The following PRMT9 variants were observed in gnomAD, a reference collection of about 807,000 sequenced individuals.
PRMT9 encodes protein arginine methyltransferase 9, also known as protein arginine N-methyltransferase 9.
In PRMT9, 59 loss-of-function variants were observed where a neutral mutation model predicts 83.2. The ratio of observed to expected loss-of-function variants is 0.71; its 90% CI spans 0.57 to 0.88. PRMT9 has a LOEUF of 0.88. PRMT9 is among the 40% of genes least tolerant of loss of function. The probability of loss-of-function intolerance (pLI) is 0.00; values close to 1 mark genes in which losing one functional copy is unlikely to be tolerated. For missense variants in PRMT9, 947 were observed against 1,021.9 expected, an observed-to-expected ratio of 0.93 and a Z score of 1.00; for synonymous variants, 333 against 353.2, an observed-to-expected ratio of 0.94 and a Z score of 0.64.
At position 147,673,869 on chromosome 4, in the gene PRMT9, C is replaced by T; in HGVS notation, c.344G>A (p.Gly115Asp). 9 of 1,612,480 alleles carry T rather than the reference C, an allele frequency of 5.6e-6. No homozygotes were observed. Among genetic ancestry groups the T allele is most frequent in the Non-Finnish European group, 7.6e-6 (9 of 1,178,560 alleles). The change falls in exon 3 of 12, where the codon GGC becomes GAC. Residue 115 changes from glycine to aspartate, a missense_variant. Coordinates refer to ENST00000322396, the MANE Select transcript of PRMT9 (RefSeq NM_138364.4). Reference sequence around the variant, plus strand: ...ATACCCAGCTGCTTCATCCCTAAAGCCCATTCTAGAGTAAAAAATGACAAA... The same window carrying T: ...ATACCCAGCTGCTTCATCCCTAAAGTCCATTCTAGAGTAAAAAATGACAAA... ...NSMGEHLFRM[G>D]FRDEAAGYFH...
At chr4:147,668,447 G>A (rs1404579354) in intron 6 of PRMT9, 92 bp downstream of exon 6, 4 of 806,916 alleles carry the variant, frequency 5.0e-6, no homozygotes, top group African/African-American at 1.7e-5. Context: ...TCAGCATTCA[G>A]AACTGTGAGT....
chr4:147,653,173 CA>C (rs1425695354), intron 9 of PRMT9, among the ~76,000 whole-genome samples: 1 of 152,082 alleles, frequency 6.6e-6, no homozygotes, highest in East Asian at 1.9e-4. Context: ...TTCAGCCGGG[CA>C]TGGTGGCTCA....
In PRMT9 at chr4:147,673,757, C is replaced by T. The variant is rs1203860976; in HGVS notation, c.456G>A (p.Trp152Ter). The part of the protein sequence containing the change: ...YRVANWLVER[W>*]HFIMLNDTKR... Reference sequence around the variant, plus strand: ...TGGTGTCATTAAGCATGATAAAGTGCCAGCGTTCCACCAACCAGTTTGCAA... The same window carrying T: ...TGGTGTCATTAAGCATGATAAAGTGTCAGCGTTCCACCAACCAGTTTGCAA... Residue 152 changes from tryptophan to a stop codon, truncating the protein, a stop_gained, in exon 3 of 12, where the codon TGG becomes TGA. Coordinates refer to ENST00000322396, the MANE Select transcript of PRMT9 (RefSeq NM_138364.4). LOFTEE classifies it high-confidence loss of function. The T allele has an allele frequency of 6.2e-7, 1 of 1,613,854 alleles. No homozygotes were observed. The highest frequency in any genetic ancestry group is 8.5e-7 in the Non-Finnish European group (1 of 1,179,802).
In PRMT9 at chr4:147,673,136, A is replaced by G. The variant is rs535904344; in HGVS notation, c.576-10T>C. ...TTTTTTAGCAAACATGCTACAAGGGAAAAAAGTTCTCCATCAAGAAAAAAT... is the reference window on the plus strand; with the variant it reads ...TTTTTTAGCAAACATGCTACAAGGGGAAAAAGTTCTCCATCAAGAAAAAAT... On this transcript the variant is annotated splice_polypyrimidine_tract_variant and intron_variant, in intron 3 of 11. Transcript: ENST00000322396. The G allele has an allele frequency of 3.6e-5, 58 of 1,612,422 alleles. No individual in the cohort carries two copies. Among genetic ancestry groups the G allele is most frequent in the Non-Finnish European group, 4.8e-5 (57 of 1,178,710 alleles).
At chr4:147,659,722 C>T (rs1734817820) in intron 7 of PRMT9, among the ~76,000 whole-genome samples, 1 of 151,738 alleles carries the variant, frequency 6.6e-6, no homozygotes, top group Non-Finnish European at 1.5e-5. Context: ...GGATTAGAGG[C>T]ACCCGCCACC....
chr4:147,683,730 TTTC>T (rs1736657520), intron 1 of PRMT9, 66 bp downstream of exon 1: 217 of 1,357,518 alleles, frequency 1.6e-4, no homozygotes, highest in East Asian at 5.9e-4. Context: ...CTTTTTTTTT[TTTC>T]TGTTTTTTTT....
chr4:147,642,814 A>G lies in PRMT9; in HGVS notation c.2172T>C (p.Asn724=). 3 of 1,613,942 alleles carry G rather than the reference A, an allele frequency of 1.9e-6. No homozygotes were observed. Among genetic ancestry groups the G allele is most frequent in the Non-Finnish European group, 2.5e-6 (3 of 1,179,820 alleles). ...VQGTERTLGL[N]IAPFINQFQV... The stretch of plus-strand genomic sequence containing the variant: ...GAAACTGGTTAATAAAAGGTGCTAT[A>G]TTTAATCCAAGAGTACGTTCTGTTC... Residue 724 remains asparagine, a synonymous_variant, in exon 10 of 12, where the codon AAT becomes AAC. Transcript: ENST00000322396.
chr4:147,646,453 G>A (rs1733732079), intron 9 of PRMT9, among the ~76,000 whole-genome samples: 2 of 152,030 alleles, frequency 1.3e-5, no homozygotes, highest in Non-Finnish European at 2.9e-5. Flanking sequence ...TAATCTATGG[G>A]AGAAAGAGAG....
chr4:147,683,966 A>C lies in PRMT9; in HGVS notation c.22T>G (p.Ser8Ala). ...GCGCCACCCCCGGCGTCTCGGCGGGACCTGGGCCGCGAGTTCGACATGGCA... is the reference window on the plus strand; with the variant it reads ...GCGCCACCCCCGGCGTCTCGGCGGGCCCTGGGCCGCGAGTTCGACATGGCA... MSNSRPR[S>A]RRDAGGGAGA... The change falls in exon 1 of 12, where the codon TCC (serine) becomes GCC (alanine). Residue 8 changes from serine to alanine, a missense_variant. Physicochemically the swap from Ser to Ala is moderately conservative, Grantham distance 99 (BLOSUM62 1). Coordinates refer to ENST00000322396, the MANE Select transcript of PRMT9 (RefSeq NM_138364.4). 1.9e-6 allele frequency: 3 copies of C among 1,612,790 alleles called. No homozygotes were observed. The highest frequency in any genetic ancestry group is 2.5e-6 in the Non-Finnish European group (3 of 1,179,654).
rs1363494625 is a variant in PRMT9, at chr4:147,673,115, T to C, written c.587A>G (p.Lys196Arg). ...ATACACGGAATGTGCTCCAGCTTTT[T>C]TAGCAAACATGCTACAAGGGAAAAA... ...AGTGILSMFA[K>R]KAGAHSVYAC... Residue 196 changes from lysine (K) to arginine (R), a missense_variant, in exon 4 of 12, where the codon AAA (lysine) becomes AGA (arginine). Lys to Arg is a conservative substitution (Grantham distance 26). Coordinates refer to ENST00000322396, the MANE Select transcript of PRMT9 (RefSeq NM_138364.4). The C allele has an allele frequency of 6.2e-7, 1 of 1,613,858 alleles. No homozygotes were observed. The highest frequency in any genetic ancestry group is 1.3e-5 in the African/African-American group (1 of 74,922).
chr4:147,642,703 A>C, intron 10 of PRMT9, 84 bp downstream of exon 10: 1 of 1,165,718 alleles, frequency 8.6e-7, no homozygotes, highest in Non-Finnish European at 1.3e-6. Flanking sequence ...CACTGTGTTT[A>C]GCTAGATTAA....
chr4:147,652,927 T>C (rs1387149433), intron 9 of PRMT9, among the ~76,000 whole-genome samples: 1 of 152,166 alleles, frequency 6.6e-6, no homozygotes, highest in Non-Finnish European at 1.5e-5. Flanking sequence ...GGGAACACTA[T>C]AATGTACCAT....
At chr4:147,665,584 A>C (rs1363120757) in intron 6 of PRMT9, among the ~76,000 whole-genome samples, 1 of 152,144 alleles carries the variant, frequency 6.6e-6, no homozygotes, top group Non-Finnish European at 1.5e-5. Flanking sequence ...GATGCCCCAG[A>C]ATCATATTGA....
chr4:147,677,380 C>T (rs1401015047), intron 2 of PRMT9, among the ~76,000 whole-genome samples: 1 of 150,400 alleles, frequency 6.6e-6, no homozygotes, highest in Non-Finnish European at 1.5e-5. Context: ...CTCACTACTA[C>T]TTTGTTTATA....
chr4:147,658,314 G>A (rs895690111), intron 7 of PRMT9, among the ~76,000 whole-genome samples: 1 of 151,972 alleles, frequency 6.6e-6, no homozygotes, highest in Non-Finnish European at 1.5e-5. Context: ...GGGGTAGAGA[G>A]AGAGAGGGAG....
At chr4:147,667,288 A>C (rs2126621644) in intron 6 of PRMT9, among the ~76,000 whole-genome samples, 1 of 152,350 alleles carries the variant, frequency 6.6e-6, no homozygotes, top group African/African-American at 2.4e-5. Flanking sequence ...AAAGCAGAAA[A>C]GTGGAAGCAA....
chr4:147,657,713 G>T, intron 8 of PRMT9, 79 bp downstream of exon 8: 2 of 1,098,586 alleles, frequency 1.8e-6, no homozygotes, highest in Non-Finnish European at 2.7e-6. Context: ...CATATCCAAA[G>T]TAATTTTTTT....
intron 6 of PRMT9, among the ~76,000 whole-genome samples, chr4:147,663,453 T>C (rs1735112388): frequency 6.6e-6 from 1 of 151,864 alleles, no homozygotes; most frequent in African/African-American, 2.4e-5. Flanking sequence ...ACAACCTCCA[T>C]CTACCAGGCT....
In PRMT9 at chr4:147,643,032, G is replaced by A. The variant is rs149106006; in HGVS notation, c.2046-92C>T. 777 of 1,130,592 alleles carry A rather than the reference G, an allele frequency of 6.9e-4. 5 individuals carry two copies. In the African/African-American group the frequency reaches 0.011, roughly 16 times the overall value. 70.0% of individuals were successfully genotyped at this position (1,130,592 alleles called of 1,614,324 possible). A position where few individuals can be genotyped will look rare whatever the true frequency, so the allele number is the denominator to read the frequency against. ...CCTAGCACTTTGGGAGGCCAAGGTG[G>A]GTGGATCACTTAAGCCCAAGAGTTC... On this transcript the variant is annotated intron_variant, in intron 9 of 11. Coordinates refer to ENST00000322396, the MANE Select transcript of PRMT9 (RefSeq NM_138364.4).
Sources: gnomAD v4.1 joint callset for allele counts (sites outside exome capture counted in the v4.1 genomes callset) on GRCh38, gnomAD v4.1.1 for gene constraint, MANE v1.5 for transcripts, NCBI Gene and HGNC (gene_info 2026-07-23, HGNC 2026-07-21) for gene names.